ARAP2: variants seen among roughly 807,000 people sequenced by gnomAD.
The protein encoded by ARAP2 is ArfGAP with RhoGAP domain, ankyrin repeat and PH domain 2.
A neutral mutation model predicts 194.5 loss-of-function variants in ARAP2; 148 were observed. The observed-to-expected ratio is 0.76, with a 90% CI of 0.67 to 0.87. The LOEUF (loss-of-function observed/expected upper bound fraction) is 0.87. Among genes scored for constraint, ARAP2 ranks in the 40% least tolerant of loss-of-function variants. The probability of loss-of-function intolerance (pLI) is 0.00; values close to 1 mark genes in which losing one functional copy is unlikely to be tolerated. For missense variants in ARAP2, 2,128 were observed against 1,989.7 expected, an observed-to-expected ratio of 1.07 and a Z score of -1.32; for synonymous variants, 695 against 683.5, an observed-to-expected ratio of 1.02 and a Z score of -0.26.
chr4:36,158,694 T>G, intron 15 of ARAP2, 36 bp downstream of exon 15: 1 of 1,529,062 alleles, frequency 6.5e-7, no homozygotes, highest in Non-Finnish European at 8.9e-7. Flanking sequence ...AATAAAGTTT[T>G]TATCTGATAA....
At chr4:36,240,606 A>G (rs1753325263) in intron 1 of ARAP2, among the ~76,000 whole-genome samples, 1 of 152,186 alleles carries the variant, frequency 6.6e-6, no homozygotes, top group Admixed American at 6.5e-5. Context: ...TCACGGGGAT[A>G]TTTTGAGGAT....
At chr4:36,197,397 T>A (rs1743354968) in intron 6 of ARAP2, among the ~76,000 whole-genome samples, 1 of 152,250 alleles carries the variant, frequency 6.6e-6, no homozygotes, top group Non-Finnish European at 1.5e-5. Flanking sequence ...AAATAAACAC[T>A]ACTGAAAAAC....
At chr4:36,057,568 T>C (rs986937414) in intron 2 of ARAP2, among the ~76,000 whole-genome samples, 2 of 152,140 alleles carry the variant, frequency 1.3e-5, no homozygotes, top group African/African-American at 4.8e-5. Flanking sequence ...ATTTTGGATA[T>C]ATTTGATTTT....
chr4:36,073,353 G>T (rs73123458), intron 32 of ARAP2, among the ~76,000 whole-genome samples: 1 of 151,886 alleles, frequency 6.6e-6, no homozygotes, highest in Non-Finnish European at 1.5e-5. Context: ...TTCTGCTATG[G>T]GCTTACTCTG....
intron 1 of ARAP2, among the ~76,000 whole-genome samples, chr4:36,230,706 A>G (rs1412032901): frequency 1.3e-5 from 2 of 152,322 alleles, no homozygotes; most frequent in South Asian, 2.1e-4. Flanking sequence ...CATGACACAC[A>G]TACACTGAAG....
At chr4:36,103,513 T>C (rs1341227436) in intron 27 of ARAP2, among the ~76,000 whole-genome samples, 2 of 151,620 alleles carry the variant, frequency 1.3e-5, no homozygotes, top group Admixed American at 1.3e-4. Flanking sequence ...ACTGTCTAAA[T>C]AGCAATGTAA....
At chr4:36,153,704 T>C (rs937911696) in intron 15 of ARAP2, among the ~76,000 whole-genome samples, 2 of 152,198 alleles carry the variant, frequency 1.3e-5, no homozygotes, top group Admixed American at 6.5e-5. Context: ...CGTAATATAG[T>C]TGGATACCTT....
chr4:36,215,707 C>A (rs539423931), intron 2 of ARAP2, among the ~76,000 whole-genome samples: 4 of 152,234 alleles, frequency 2.6e-5, no homozygotes, highest in African/African-American at 9.6e-5. Flanking sequence ...AATGGGTTAA[C>A]CTGCCATGGT....
In ARAP2 at chr4:36,167,531, G is replaced by T. The variant is rs868140069; in HGVS notation, c.1858-484C>A. The stretch of plus-strand genomic sequence containing the variant: ...AGAAAAAAGATCTGGAGCCCAATCT[G>T]ATTGCTCTTTCCTTGTTTTACTATC... On this transcript the variant is annotated intron_variant, in intron 9 of 32. Transcript: ENST00000303965. Among the ~76,000 whole-genome samples, 15 of 152,228 alleles carry T rather than the reference G, an allele frequency of 9.9e-5. No individual in the cohort carries two copies. The South Asian group carries it at 3.1e-3, about 32-fold the overall frequency.
At chr4:36,073,659 G>C in intron 32 of ARAP2, 30 bp downstream of exon 32, 1 of 1,601,790 alleles carries the variant, frequency 6.2e-7, no homozygotes, top group South Asian at 1.1e-5. Context: ...TTCTATAATT[G>C]AATATAAAAC....
At chr4:36,135,504 C>A (rs1726483012) in intron 19 of ARAP2, among the ~76,000 whole-genome samples, 1 of 151,722 alleles carries the variant, frequency 6.6e-6, no homozygotes, top group Non-Finnish European at 1.5e-5. Context: ...TTTCTATTTT[C>A]CACAACACTA....
At chr4:36,133,437 A>C (rs1161377733) in intron 19 of ARAP2, 48 bp from the exon 20 acceptor site, 1 of 1,543,192 alleles carries the variant, frequency 6.5e-7, no homozygotes, top group Admixed American at 1.9e-5. Context: ...CTCTTTAAAA[A>C]AAAATCTTAC....
At chr4:36,162,311 A>G (rs1734283641) in intron 11 of ARAP2, among the ~76,000 whole-genome samples, 1 of 152,192 alleles carries the variant, frequency 6.6e-6, no homozygotes, top group Non-Finnish European at 1.5e-5. Context: ...AAACTTGACT[A>G]TTGAAAAACT....
At chr4:36,039,991 C>A (rs980203272) in intron 5 of ARAP2, among the ~76,000 whole-genome samples, 8 of 152,002 alleles carry the variant, frequency 5.3e-5, no homozygotes, top group African/African-American at 1.9e-4. Context: ...CTGAAGGAGA[C>A]CACCATTAGA....
chr4:36,101,769 A>G (rs1055585410), intron 27 of ARAP2, among the ~76,000 whole-genome samples: 1 of 152,068 alleles, frequency 6.6e-6, no homozygotes, highest in African/African-American at 2.4e-5. Context: ...GCAACATGCT[A>G]GAATATGAAT....
At chr4:36,177,797 G>A (rs1300645152) in intron 9 of ARAP2, 30 bp downstream of exon 9, 1 of 1,517,820 alleles carries the variant, frequency 6.6e-7, no homozygotes, top group Admixed American at 2.3e-5. Context: ...TAAAATAGCA[G>A]CAATTTGCAA....
intron 5 of ARAP2, among the ~76,000 whole-genome samples, chr4:36,045,443 T>G (rs150699867): frequency 6.6e-6 from 1 of 152,268 alleles, no homozygotes; most frequent in East Asian, 1.9e-4. Context: ...TAGGCACAGA[T>G]AGATAAGTAC....
chr4:36,211,367 G>A (rs760770421), intron 5 of ARAP2, among the ~76,000 whole-genome samples: 14 of 152,142 alleles, frequency 9.2e-5, no homozygotes, highest in Non-Finnish European at 2.1e-4. Flanking sequence ...ATATTTATTG[G>A]AATGCATTCA....
chr4:36,047,146 G>A, intron 3 of ARAP2: 1 of 152,360 alleles, frequency 6.6e-6, no homozygotes, highest in Non-Finnish European at 1.5e-5. Context: ...AGGTTTCTCT[G>A]CACTGTGGCG....
Sources: allele counts gnomAD v4.1 joint callset (sites outside exome capture counted in the v4.1 genomes callset), GRCh38; gene constraint gnomAD v4.1.1; transcripts MANE v1.5; gene names NCBI Gene and HGNC (gene_info 2026-07-23, HGNC 2026-07-21).